RAB30: variants seen among roughly 807,000 people sequenced by gnomAD.
The protein encoded by RAB30 is ras-related protein Rab-30.
In RAB30, 9 loss-of-function variants were observed where a neutral mutation model predicts 25.1. That is an observed-to-expected ratio of 0.36 (90% CI 0.22 to 0.63). The LOEUF (loss-of-function observed/expected upper bound fraction) is 0.63, where lower values mean the gene tolerates loss of function less well. Among genes scored for constraint, RAB30 ranks in the 20% least tolerant of loss-of-function variants. RAB30 has a pLI of 0.69. For synonymous variants in RAB30, 77 were observed against 86.4 expected (o/e 0.89, Z 0.60); for missense variants, 140 against 243.5 (o/e 0.58, Z 2.83).
At chr11:83,045,212 A>AT (rs11379378) in intron 1 of RAB30, among the ~76,000 whole-genome samples, 22,081 of 151,394 alleles carry the variant, frequency 0.15, 1,707 homozygotes, top group Middle Eastern at 0.22. Flanking sequence ...TTCTGTAAAC[A>AT]TTTTTTTTTA....
chr11:82,982,960 G>A (rs1276319291), intron 4 of RAB30, among the ~76,000 whole-genome samples: 1 of 152,104 alleles, frequency 6.6e-6, no homozygotes, highest in Non-Finnish European at 1.5e-5. Flanking sequence ...AATAAAGTAT[G>A]GCACATCCAC....
intron 1 of RAB30, among the ~76,000 whole-genome samples, chr11:83,050,005 C>A (rs537351839): frequency 6.6e-6 from 1 of 152,256 alleles, no homozygotes; most frequent in African/African-American, 2.4e-5. Context: ...TGCCTATAAT[C>A]CCAGTGCTTT....
chr11:83,000,877 TA>T (rs35685304), intron 1 of RAB30, among the ~76,000 whole-genome samples: 85,259 of 147,758 alleles, frequency 0.58, 24,833 homozygotes, highest in African/African-American at 0.72. Flanking sequence ...CCGTCTCTAC[TA>T]AAAAAAAAAA....
At position 82,973,787 on chromosome 11, in the gene RAB30, C is replaced by A. The variant is rs1455764784; in HGVS notation, c.*8378G>T. ...TTTAAGAGAGATGTGAAAACATACA[C>A]CCATACAAAAAACTTTTACATAAAT... On this transcript the variant is annotated 3_prime_UTR_variant, in exon 5 of 5. Transcript: ENST00000527633. 1 of 152,062 alleles carries A rather than the reference C, an allele frequency of 6.6e-6. No homozygotes were observed. The highest frequency in any genetic ancestry group is 6.6e-5 in the Admixed American group (1 of 15,258). The allele number at this position is 152,062 out of a possible 1,614,324, so 9.4% of individuals were successfully genotyped here. A position where few individuals can be genotyped will look rare whatever the true frequency, so the allele number is the denominator to read the frequency against.
At chr11:83,065,542 T>C (rs1156510181) in intron 1 of RAB30, among the ~76,000 whole-genome samples, 1 of 152,182 alleles carries the variant, frequency 6.6e-6, no homozygotes, top group Non-Finnish European at 1.5e-5. Flanking sequence ...ATTCCAGATG[T>C]GAGCTACTAT....
At chr11:82,984,244 T>C (rs1279195547) in intron 4 of RAB30, among the ~76,000 whole-genome samples, 2 of 152,262 alleles carry the variant, frequency 1.3e-5, no homozygotes, top group East Asian at 3.9e-4. Flanking sequence ...AGCCATAACT[T>C]TGAGCTTCCC....
chr11:83,043,551 T>C (rs995502641), intron 1 of RAB30, among the ~76,000 whole-genome samples: 1 of 152,212 alleles, frequency 6.6e-6, no homozygotes, highest in African/African-American at 2.4e-5. Context: ...TAAGGCATGA[T>C]AATGGTATTG....
rs946017587 is a variant in RAB30, at chr11:82,979,195, T to G, written c.*2970A>C. The stretch of plus-strand genomic sequence containing the variant: ...AGAAAATATCATTATCAGCAAACTA[T>G]TATTTCATAGATTTTCCCAAGCCTG... On this transcript the variant is annotated 3_prime_UTR_variant, in exon 5 of 5. Coordinates refer to ENST00000527633, the MANE Select transcript of RAB30 (RefSeq NM_001286060.2). The G allele has an allele frequency of 2.0e-5, 3 of 152,156 alleles. No individual in the cohort carries two copies. The highest frequency in any genetic ancestry group is 2.9e-5 in the Non-Finnish European group (2 of 68,032). 9.4% of individuals were successfully genotyped at this position (152,156 alleles called of 1,614,324 possible).
At chr11:83,044,675 T>C (rs1847901687) in intron 1 of RAB30, among the ~76,000 whole-genome samples, 1 of 152,128 alleles carries the variant, frequency 6.6e-6, no homozygotes, top group Admixed American at 6.6e-5. Context: ...ATTTAATGAG[T>C]TGGTTGTTCT....
intron 1 of RAB30, among the ~76,000 whole-genome samples, chr11:83,002,069 T>C (rs1262772147): frequency 1.3e-5 from 2 of 152,108 alleles, no homozygotes; most frequent in African/African-American, 4.8e-5. Context: ...AGGAACAGGA[T>C]TCAAACCTAG....
At chr11:83,006,221 T>C (rs1390825747) in intron 1 of RAB30, among the ~76,000 whole-genome samples, 1 of 152,170 alleles carries the variant, frequency 6.6e-6, no homozygotes, top group African/African-American at 2.4e-5. Flanking sequence ...ATTGCACTTC[T>C]AGGAATCTAT....
intron 1 of RAB30, among the ~76,000 whole-genome samples, chr11:83,006,994 C>T (rs887240954): frequency 5.3e-5 from 8 of 152,234 alleles, no homozygotes; most frequent in African/African-American, 1.9e-4. Flanking sequence ...CACATTCTTA[C>T]AGCTTAGAAA....
intron 1 of RAB30, among the ~76,000 whole-genome samples, chr11:83,049,190 T>C (rs933313136): frequency 6.6e-6 from 1 of 152,012 alleles, no homozygotes; most frequent in Admixed American, 6.6e-5. Flanking sequence ...GGCAGGCGGA[T>C]CATGAGGTCA....
chr11:83,017,847 C>A (rs1378797370), intron 1 of RAB30, among the ~76,000 whole-genome samples: 3 of 152,166 alleles, frequency 2.0e-5, no homozygotes, highest in Non-Finnish European at 4.4e-5. Flanking sequence ...CATGTGTGTG[C>A]AAGTGTCTTT....
At chr11:83,071,567 C>G (rs1475993217) in intron 1 of RAB30, 124 bp downstream of exon 1, 1 of 152,260 alleles carries the variant, frequency 6.6e-6, no homozygotes, top group Non-Finnish European at 1.5e-5. Context: ...CTTAGCTGTG[C>G]CTGCAAGCCT....
At chr11:83,053,191 C>T in intron 1 of RAB30, among the ~76,000 whole-genome samples, 1 of 152,136 alleles carries the variant, frequency 6.6e-6, no homozygotes, top group East Asian at 1.9e-4. Context: ...GAGGAAGGAG[C>T]CTTAAACCAC....
intron 1 of RAB30, among the ~76,000 whole-genome samples, chr11:83,029,414 T>C (rs1458969684): frequency 6.6e-6 from 1 of 151,762 alleles, no homozygotes; most frequent in Admixed American, 6.6e-5. Flanking sequence ...ATTATTATTA[T>C]TATTTTGAGA....
intron 1 of RAB30, among the ~76,000 whole-genome samples, chr11:83,016,562 A>G (rs901590342): frequency 2.0e-5 from 3 of 152,228 alleles, no homozygotes; most frequent in African/African-American, 4.8e-5. Flanking sequence ...TACAAATTAC[A>G]AAGATCTATA....
At chr11:83,038,803 AAGAG>A (rs1858042634) in intron 1 of RAB30, 1 of 152,036 alleles carries the variant, frequency 6.6e-6, no homozygotes, top group African/African-American at 2.4e-5. Context: ...CCTGGGAGAC[AAGAG>A]AGAAACTCCA....
Sources: allele counts gnomAD v4.1 joint callset (sites outside exome capture counted in the v4.1 genomes callset), GRCh38; gene constraint gnomAD v4.1.1; transcripts MANE v1.5; gene names NCBI Gene and HGNC (gene_info 2026-07-23, HGNC 2026-07-21).